The following MAGI2 variants were observed in gnomAD, a reference collection of about 807,000 sequenced individuals.
MAGI2 encodes membrane-associated guanylate kinase, WW and PDZ domain-containing protein 2.
Under a neutral mutation model 133.3 loss-of-function variants are expected in MAGI2, and 35 were observed. The ratio of observed to expected loss-of-function variants is 0.26; its 90% CI spans 0.20 to 0.35. MAGI2 has a LOEUF of 0.35. MAGI2 is among the 10% of genes least tolerant of loss of function. The pLI is 1.00. For missense variants in MAGI2, 1,636 were observed against 1,863.4 expected (o/e 0.88, Z 2.25); for synonymous variants, 729 against 710.6 (o/e 1.03, Z -0.41).
chr7:78,068,399 A>G (rs1814079450), intron 21 of MAGI2, among the ~76,000 whole-genome samples: 1 of 152,082 alleles, frequency 6.6e-6, no homozygotes, highest in African/African-American at 2.4e-5. Context: ...CTGATATACA[A>G]CACTAAGACT....
At chr7:78,464,633 T>C (rs1790422920) in intron 6 of MAGI2, among the ~76,000 whole-genome samples, 1 of 152,134 alleles carries the variant, frequency 6.6e-6, no homozygotes, top group Non-Finnish European at 1.5e-5. Flanking sequence ...AGGCCAGATT[T>C]TAGAAAAAAG....
chr7:79,226,730 A>G (rs1358963432), intron 1 of MAGI2, among the ~76,000 whole-genome samples: 1 of 152,110 alleles, frequency 6.6e-6, no homozygotes. Flanking sequence ...TTCACGCCCA[A>G]TCTACTCCTA....
At chr7:79,184,427 TAAG>T (rs1826886654) in intron 1 of MAGI2, among the ~76,000 whole-genome samples, 1 of 150,548 alleles carries the variant, frequency 6.6e-6, no homozygotes, top group African/African-American at 2.4e-5. Context: ...AAAATAAAAA[TAAG>T]AAACAATAAA....
At chr7:78,761,229 C>A (rs779011349) in intron 2 of MAGI2, among the ~76,000 whole-genome samples, 1 of 152,178 alleles carries the variant, frequency 6.6e-6, no homozygotes, top group African/African-American at 2.4e-5. Context: ...AGCGTCATTT[C>A]CCTCTCTTTC....
chr7:78,161,679 A>AAG lies in MAGI2; in HGVS notation c.2597-1407_2597-1406insCT, dbSNP rs1825011472. Among the ~76,000 whole-genome samples, 4 of 145,844 alleles carry AAG rather than the reference A, an allele frequency of 2.7e-5. No homozygotes were observed. The South Asian group carries it at 8.6e-4, about 31-fold the overall frequency. ...TTACATCGATACCTAAAAAAAAAAA[A>AAG]AAAAAAAAGAAAAAAAAAAAGCTGT... On this transcript the variant is annotated intron_variant, in intron 15 of 21. Transcript: ENST00000354212.
At chr7:78,806,087 G>A (rs1276746115) in intron 2 of MAGI2, among the ~76,000 whole-genome samples, 1 of 152,180 alleles carries the variant, frequency 6.6e-6, no homozygotes, top group Non-Finnish European at 1.5e-5. Context: ...GTAACTGACA[G>A]CTGACTTGTT....
At chr7:78,672,622 G>T (rs1016791900) in intron 2 of MAGI2, among the ~76,000 whole-genome samples, 3 of 152,194 alleles carry the variant, frequency 2.0e-5, no homozygotes, top group African/African-American at 7.2e-5. Flanking sequence ...CTCCACAGTT[G>T]TTTTTAGGAA....
chr7:78,874,408 G>A (rs1192879438), intron 2 of MAGI2, among the ~76,000 whole-genome samples: 1 of 152,106 alleles, frequency 6.6e-6, no homozygotes, highest in Non-Finnish European at 1.5e-5. Context: ...TAGAGATAGG[G>A]TTCTGGCTTT....
intron 2 of MAGI2, among the ~76,000 whole-genome samples, chr7:78,661,048 A>G (rs1000207729): frequency 6.6e-6 from 1 of 152,136 alleles, no homozygotes; most frequent in Non-Finnish European, 1.5e-5. Context: ...ACTTCTTGGT[A>G]TCACTCACTA....
chr7:78,458,639 G>T (rs73150311), intron 6 of MAGI2, among the ~76,000 whole-genome samples: 37,007 of 146,204 alleles, frequency 0.25, 4,694 homozygotes, highest in Middle Eastern at 0.36. Context: ...TTTTTGTTAG[G>T]TTTTTTTTTT....
chr7:78,624,928 T>C (rs1238017565), intron 3 of MAGI2, among the ~76,000 whole-genome samples: 5 of 152,112 alleles, frequency 3.3e-5, no homozygotes, highest in Non-Finnish European at 7.4e-5. Flanking sequence ...TTAAAAAACG[T>C]TAACTGTTAA....
chr7:79,220,046 T>G (rs1297314140), intron 1 of MAGI2, among the ~76,000 whole-genome samples: 2 of 152,066 alleles, frequency 1.3e-5, no homozygotes, highest in Non-Finnish European at 2.9e-5. Flanking sequence ...TCCCTTAATC[T>G]GCTTCTGAAT....
At chr7:78,317,961 T>C (rs62463924) in intron 9 of MAGI2, among the ~76,000 whole-genome samples, 34,096 of 152,098 alleles carry the variant, frequency 0.22, 5,076 homozygotes, top group African/African-American at 0.4. Flanking sequence ...GAAACCCCGT[T>C]GGAAGGTCAC....
intron 6 of MAGI2, among the ~76,000 whole-genome samples, chr7:78,463,114 A>C (rs1790237551): frequency 1.3e-5 from 2 of 152,296 alleles, no homozygotes; most frequent in African/African-American, 4.8e-5. Flanking sequence ...TCTTGATGTA[A>C]TTTGCCCATA....
chr7:78,781,149 C>T (rs1354257781), intron 2 of MAGI2, among the ~76,000 whole-genome samples: 4 of 152,074 alleles, frequency 2.6e-5, no homozygotes, highest in Admixed American at 6.6e-5. Flanking sequence ...GAGGCTGAGG[C>T]GGGCAGATCA....
At chr7:79,266,953 A>C (rs1393650313) in intron 1 of MAGI2, among the ~76,000 whole-genome samples, 1 of 152,164 alleles carries the variant, frequency 6.6e-6, no homozygotes, top group Non-Finnish European at 1.5e-5. Context: ...CATAGACTTC[A>C]GATAAGGGGG....
chr7:78,870,792 C>A (rs753947990), intron 2 of MAGI2, among the ~76,000 whole-genome samples: 1 of 152,052 alleles, frequency 6.6e-6, no homozygotes, highest in African/African-American at 2.4e-5. Flanking sequence ...AATATGGAGC[C>A]AGCCTAAATG....
At chr7:78,847,317 A>G (rs1475917057) in intron 2 of MAGI2, among the ~76,000 whole-genome samples, 1 of 151,998 alleles carries the variant, frequency 6.6e-6, no homozygotes, top group Non-Finnish European at 1.5e-5. Context: ...CAGCTTATAA[A>G]TGCACATAAA....
At chr7:79,148,832 C>T (rs1585047583) in intron 1 of MAGI2, among the ~76,000 whole-genome samples, 1 of 148,176 alleles carries the variant, frequency 6.7e-6, no homozygotes. Context: ...TATATATATA[C>T]ACATATATGT....
Sources: allele counts gnomAD v4.1 joint callset (sites outside exome capture counted in the v4.1 genomes callset), GRCh38; gene constraint gnomAD v4.1.1; transcripts MANE v1.5; gene names NCBI Gene and HGNC (gene_info 2026-07-23, HGNC 2026-07-21).